ERCC6L2: variants seen among roughly 807,000 people sequenced by gnomAD.
ERCC6L2 encodes the protein ERCC excision repair 6 like 2.
ERCC6L2 carries 77 observed loss-of-function variants against 132.0 expected under a neutral mutation model. The observed-to-expected ratio is 0.58, with a 90% CI of 0.49 to 0.71. The LOEUF (loss-of-function observed/expected upper bound fraction) is 0.71, where lower values mean the gene tolerates loss of function less well. Ranked by LOEUF, ERCC6L2 falls within the 30% of genes least tolerant of loss-of-function variation. ERCC6L2 has a pLI of 0.00. For synonymous variants in ERCC6L2, 583 were observed against 632.4 expected, an observed-to-expected ratio of 0.92 and a Z score of 1.17; for missense variants, 1,542 against 1,837.6, an observed-to-expected ratio of 0.84 and a Z score of 2.94.
chr9:95,881,355 T>C (rs748953083), intron 2 of ERCC6L2, 62 bp downstream of exon 2: 13 of 1,276,768 alleles, frequency 1.0e-5, no homozygotes, highest in Non-Finnish European at 1.4e-5. Flanking sequence ...ATACTATATG[T>C]AAATCTTTAT....
chr9:95,915,231 A>G (rs1829526300), intron 4 of ERCC6L2, among the ~76,000 whole-genome samples: 1 of 152,224 alleles, frequency 6.6e-6, no homozygotes, highest in African/African-American at 2.4e-5. Context: ...CTACTGGGGT[A>G]ACAATCAACT....
intron 17 of ERCC6L2, among the ~76,000 whole-genome samples, chr9:95,998,804 G>A (rs368445891): frequency 1.3e-5 from 2 of 152,184 alleles, no homozygotes; most frequent in South Asian, 4.1e-4. Context: ...CACTCGTTTT[G>A]TGATACTCTG....
intron 19 of ERCC6L2, among the ~76,000 whole-genome samples, chr9:96,037,292 G>A (rs978771483): frequency 2.6e-5 from 4 of 152,174 alleles, no homozygotes; most frequent in Admixed American, 2.0e-4. Context: ...CACATTGATT[G>A]TGTGATCAAC....
intron 20 of ERCC6L2, among the ~76,000 whole-genome samples, chr9:96,039,751 C>T (rs894835232): frequency 3.3e-5 from 5 of 152,164 alleles, no homozygotes; most frequent in Admixed American, 6.5e-5. Context: ...AGCTCCACTC[C>T]TTCTGGCTGC....
chr9:96,023,303 T>C (rs148491537), downstream of ERCC6L2, among the ~76,000 whole-genome samples: 4 of 152,372 alleles, frequency 2.6e-5, no homozygotes, highest in Middle Eastern at 3.4e-3. Flanking sequence ...TGACCTATTA[T>C]GTAATATGCT....
At chr9:95,946,389 G>A (rs749424248) in intron 12 of ERCC6L2, among the ~76,000 whole-genome samples, 1 of 152,086 alleles carries the variant, frequency 6.6e-6, no homozygotes, top group Non-Finnish European at 1.5e-5. Flanking sequence ...TTAGCCAAGC[G>A]TGATGGCAGG....
intron 2 of ERCC6L2, among the ~76,000 whole-genome samples, chr9:95,887,770 AAAACATAC>A (rs1827951721): frequency 6.6e-6 from 1 of 152,198 alleles, no homozygotes; most frequent in Non-Finnish European, 1.5e-5. Context: ...CAGTAGATTC[AAAACATAC>A]TAAAATATGA....
At chr9:95,968,784 C>G (rs959068010) in intron 14 of ERCC6L2, 1 of 152,128 alleles carries the variant, frequency 6.6e-6, no homozygotes, top group Non-Finnish European at 1.5e-5. Context: ...ATGTCAGGTA[C>G]TGTTCATAGA....
chr9:96,025,358 A>G (rs1382366093), intron 19 of ERCC6L2, among the ~76,000 whole-genome samples: 3 of 152,190 alleles, frequency 2.0e-5, no homozygotes, highest in African/African-American at 7.2e-5. Context: ...GTCAAGTTCT[A>G]TAGGAAGGAG....
chr9:96,021,128 G>A (rs1564309454), downstream of ERCC6L2: 2 of 389,010 alleles, frequency 5.1e-6, no homozygotes, highest in South Asian at 3.8e-5. This position sits in a 1 kb window ranked among gnomAD's most constrained non-coding sequence, Gnocchi z 4.7. Flanking sequence ...CAGGCGTCCC[G>A]GGGAACCCCG....
chr9:95,956,368 T>C (rs1209893468), intron 13 of ERCC6L2, among the ~76,000 whole-genome samples: 2 of 152,070 alleles, frequency 1.3e-5, no homozygotes, highest in Non-Finnish European at 2.9e-5. Flanking sequence ...ACATTTTGAG[T>C]AGCAAGGTCA....
At chr9:95,985,736 C>T (rs1181008140) in intron 17 of ERCC6L2, among the ~76,000 whole-genome samples, 1 of 152,112 alleles carries the variant, frequency 6.6e-6, no homozygotes, top group African/African-American at 2.4e-5. Context: ...CAATTGGGCC[C>T]TAGTGTGCTT....
chr9:95,931,215 G>T (rs1189837675), intron 11 of ERCC6L2, among the ~76,000 whole-genome samples: 1 of 151,968 alleles, frequency 6.6e-6, no homozygotes, highest in Non-Finnish European at 1.5e-5. Flanking sequence ...GACTTTTTCG[G>T]TCTTTTCCCC....
chr9:95,899,150 T>C (rs1311358542), intron 3 of ERCC6L2, among the ~76,000 whole-genome samples: 6 of 151,944 alleles, frequency 3.9e-5, no homozygotes, highest in Non-Finnish European at 4.4e-5. Context: ...ATATTTAAAA[T>C]ATTATAGAAC....
chr9:95,961,551 A>G (rs1471650577), intron 13 of ERCC6L2, among the ~76,000 whole-genome samples: 2 of 152,212 alleles, frequency 1.3e-5, no homozygotes, highest in Admixed American at 6.5e-5. Flanking sequence ...TTGGGAAACT[A>G]GTGCAGCCCC....
chr9:96,005,774 G>T (rs957771211), intron 18 of ERCC6L2, among the ~76,000 whole-genome samples: 1 of 152,112 alleles, frequency 6.6e-6, no homozygotes, highest in African/African-American at 2.4e-5. Context: ...ACGATCTGAT[G>T]TATCTTTTTA....
chr9:96,012,904 C>A lies in ERCC6L2; in HGVS notation c.4354C>A (p.His1452Asn), dbSNP rs769726987. The change falls in exon 19 of 19, where the codon CAT (histidine) becomes AAT (asparagine). Residue 1452 changes from histidine to asparagine, a missense_variant. Around this residue, in one of 4 missense-constraint regions of ERCC6L2, gnomAD observed 442 missense variants for 583.4 expected, o/e 0.76. Coordinates refer to ENST00000653738, the MANE Select transcript of ERCC6L2 (RefSeq NM_020207.7). ...TATTCTTGATGACCTTTTTAAAAGT[C>A]ATGGGAACAGTCCCACACAACTGCC... ...TSILDDLFKS[H>N]GNSPTQLPKK... 2.2e-6 allele frequency: 3 copies of A among 1,367,540 alleles called. No homozygotes were observed. Among genetic ancestry groups the A allele is most frequent in the Non-Finnish European group, 2.9e-6 (3 of 1,021,778 alleles). 84.7% of individuals were successfully genotyped at this position (1,367,540 alleles called of 1,614,324 possible).
At position 95,923,418 on chromosome 9, in the gene ERCC6L2, C is replaced by A. The variant is rs182913954; in HGVS notation, c.1533+39C>A. The stretch of plus-strand genomic sequence containing the variant: ...TTTCAGGTTGCATACAGACATGATA[C>A]ACAAAATATTTATTCAGTGGTATGA... On this transcript the variant is annotated intron_variant, in intron 9 of 18. Transcript: ENST00000653738. 4 of 1,605,112 alleles carry A rather than the reference C, an allele frequency of 2.5e-6. No homozygotes were observed. In the South Asian group the frequency reaches 3.3e-5, roughly 13 times the overall value.
At chr9:96,002,017 G>A (rs1321609969) in intron 17 of ERCC6L2, among the ~76,000 whole-genome samples, 5 of 152,224 alleles carry the variant, frequency 3.3e-5, no homozygotes, top group African/African-American at 9.6e-5. Flanking sequence ...CTCCGAGTGC[G>A]GGGCGCACCA....
Sources: gnomAD v4.1 joint callset for allele counts (sites outside exome capture counted in the v4.1 genomes callset) on GRCh38, gnomAD v4.1.1 for gene constraint, gnomAD v4.1.1 regional missense constraint, Gnocchi (gnomAD v3.1) non-coding constraint, MANE v1.5 for transcripts, NCBI Gene and HGNC (gene_info 2026-07-23, HGNC 2026-07-21) for gene names.